The following ADCY10 variants were observed in gnomAD, a reference collection of about 807,000 sequenced individuals.
ADCY10 encodes adenylate cyclase type 10.
Under a neutral mutation model 183.3 loss-of-function variants are expected in ADCY10, and 156 were observed. The ratio of observed to expected loss-of-function variants is 0.85; its 90% confidence interval spans 0.75 to 0.97. The LOEUF (loss-of-function observed/expected upper bound fraction) is 0.97. Ranked by LOEUF, ADCY10 falls within the 50% of genes least tolerant of loss-of-function variation. The probability of loss-of-function intolerance (pLI) is 0.00; values close to 1 mark genes in which losing one functional copy is unlikely to be tolerated. For synonymous variants in ADCY10, 645 were observed against 670.0 expected, an observed-to-expected ratio of 0.96 and a Z score of 0.58; for missense variants, 1,745 against 1,934.3, an observed-to-expected ratio of 0.90 and a Z score of 1.84.
intron 29 of ADCY10, among the ~76,000 whole-genome samples, chr1:167,822,456 G>A (rs1285360313): frequency 6.6e-6 from 1 of 152,160 alleles, no homozygotes; most frequent in African/African-American, 2.4e-5. Context: ...TGCTTCCTTT[G>A]TTGATGGCAA....
intron 8 of ADCY10, among the ~76,000 whole-genome samples, chr1:167,885,911 G>A (rs1668190370): frequency 6.6e-6 from 1 of 152,108 alleles, no homozygotes; most frequent in Non-Finnish European, 1.5e-5. Context: ...ACTGCGCCTG[G>A]CCTTATTCAG....
intron 21 of ADCY10, among the ~76,000 whole-genome samples, chr1:167,837,898 C>G (rs1664343007): frequency 1.3e-5 from 2 of 152,266 alleles, no homozygotes; most frequent in South Asian, 4.1e-4. Flanking sequence ...AATTAAAAAC[C>G]TCAGTCTAAG....
At chr1:167,896,947 A>G (rs191297062) in intron 6 of ADCY10, among the ~76,000 whole-genome samples, 4 of 152,310 alleles carry the variant, frequency 2.6e-5, no homozygotes, top group Admixed American at 6.5e-5. Context: ...CTAATCTTAT[A>G]CTTTTCTGCC....
intron 18 of ADCY10, among the ~76,000 whole-genome samples, chr1:167,852,126 A>G (rs1665542741): frequency 6.6e-6 from 1 of 152,138 alleles, no homozygotes; most frequent in Non-Finnish European, 1.5e-5. Context: ...TAAATAGAGA[A>G]GACACCTGAT....
chr1:167,877,880 G>T (rs1044679968), intron 12 of ADCY10, among the ~76,000 whole-genome samples: 2 of 152,274 alleles, frequency 1.3e-5, no homozygotes, highest in East Asian at 3.9e-4. Context: ...CCCAGAGGAG[G>T]GGGAACAGGA....
intron 26 of ADCY10, among the ~76,000 whole-genome samples, chr1:167,826,431 T>C (rs369707871): frequency 6.6e-6 from 1 of 152,214 alleles, no homozygotes; most frequent in Non-Finnish European, 1.5e-5. Context: ...TCTGGTTCTT[T>C]CCATTCTCCC....
At chr1:167,811,237 T>G (rs1464020682) in intron 31 of ADCY10, among the ~76,000 whole-genome samples, 1 of 152,088 alleles carries the variant, frequency 6.6e-6, no homozygotes, top group African/African-American at 2.4e-5. Context: ...GGAAAAAAAA[T>G]TGGCCATTTC....
chr1:167,865,370 T>TA (rs1666607478), intron 14 of ADCY10, among the ~76,000 whole-genome samples: 1 of 152,182 alleles, frequency 6.6e-6, no homozygotes, highest in Non-Finnish European at 1.5e-5. Context: ...GACATTAAAG[T>TA]AAAAATGCAA....
At position 167,896,615 on chromosome 1, in the gene ADCY10, T is replaced by A; in HGVS notation, c.719A>T (p.Tyr240Phe). ...FTKCTTFMHY[Y>F]PSGEHKNLLR... ...CTTACTTTTGTGCTCACCAGAAGGA[T>A]AATAATGCATGAAGGTCGTACACTT... is the stretch of plus-strand genomic sequence containing the variant. The change falls in exon 7 of 33, where the codon TAT (tyrosine) becomes TTT (phenylalanine). Residue 240 changes from tyrosine (Y) to phenylalanine (F), a missense_variant. Tyr to Phe is a conservative substitution (Grantham distance 22). Transcript: ENST00000367851. 1 of 1,613,354 alleles carries A rather than the reference T, an allele frequency of 6.2e-7. No homozygotes were observed. The highest frequency in any genetic ancestry group is 8.5e-7 in the Non-Finnish European group (1 of 1,179,284).
intron 31 of ADCY10, among the ~76,000 whole-genome samples, chr1:167,813,573 T>C (rs1402043316): frequency 3.3e-5 from 5 of 151,854 alleles, no homozygotes; most frequent in Non-Finnish European, 7.4e-5. Flanking sequence ...TAGGGTAAAA[T>C]GAAAGGACAG....
chr1:167,901,556 G>A (rs1283373708), intron 5 of ADCY10, 106 bp downstream of exon 5: 2 of 1,180,242 alleles, frequency 1.7e-6, no homozygotes, highest in African/African-American at 3.0e-5. Context: ...GGCATCATGG[G>A]GCTGAGCCAC....
intron 8 of ADCY10, among the ~76,000 whole-genome samples, chr1:167,884,015 T>C (rs1425273837): frequency 6.6e-6 from 1 of 152,264 alleles, no homozygotes; most frequent in Non-Finnish European, 1.5e-5. Flanking sequence ...TTACATGAGA[T>C]ATTTTGATAC....
intron 1 of ADCY10, among the ~76,000 whole-genome samples, chr1:167,910,206 T>C (rs1159304195): frequency 6.6e-6 from 1 of 152,236 alleles, no homozygotes. Context: ...TGGTTTTGTG[T>C]TTCCTTGTTG....
intron 18 of ADCY10, 48 bp from the exon 19 acceptor site, chr1:167,848,537 A>C (rs1665231185): frequency 1.2e-6 from 2 of 1,609,156 alleles, no homozygotes; most frequent in Non-Finnish European, 1.7e-6. Flanking sequence ...ATCCTGTCTT[A>C]TAAGGTCTGA....
intron 7 of ADCY10, among the ~76,000 whole-genome samples, chr1:167,894,259 C>T (rs1434005047): frequency 1.3e-5 from 2 of 152,074 alleles, no homozygotes; most frequent in Non-Finnish European, 2.9e-5. Flanking sequence ...TGGGAACAAA[C>T]AAATGAGGGA....
Position 167,846,124 on chromosome 1 carries a change from C to A in ADCY10, c.2577G>T (p.Lys859Asn), listed in dbSNP as rs199951209. The A allele has an allele frequency of 1.2e-6, 2 of 1,614,132 alleles. No homozygotes were observed. The highest frequency in any genetic ancestry group is 1.7e-6 in the Non-Finnish European group (2 of 1,180,002). ...TAGATTCCACTAGGGTTGCCAGGGT[C>A]TTGATCATCATCTTCATATTCCAAC... ...LPCWNMKMMI[K>N]TLATLVESNI... Residue 859 changes from lysine (K) to asparagine (N), a missense_variant, in exon 20 of 33, where the codon AAG (lysine) becomes AAT (asparagine). Transcript: ENST00000367851.
chr1:167,903,901 C>T lies in ADCY10; in HGVS notation c.239G>A (p.Ser80Asn), dbSNP rs375317807. Residue 80 changes from serine (S) to asparagine (N), a missense_variant, in exon 3 of 33, where the codon AGT (serine) becomes AAT (asparagine). Coordinates refer to ENST00000367851, the MANE Select transcript of ADCY10 (RefSeq NM_018417.6). Reference sequence around the variant, plus strand: ...GGAACACTTACTCTCCACTATTGCACTTATGTGGTAGTTGAGGATCTCCAC... The same window carrying T: ...GGAACACTTACTCTCCACTATTGCATTTATGTGGTAGTTGAGGATCTCCAC... The part of the protein sequence containing the change: ...QLVEILNYHI[S>N]AIVEKVLIFG... 1.1e-5 allele frequency: 17 copies of T among 1,612,076 alleles called. No homozygotes were observed. In the African/African-American group the frequency reaches 2.1e-4, roughly 20 times the overall value.
intron 13 of ADCY10, among the ~76,000 whole-genome samples, chr1:167,872,041 A>C (rs976121966): frequency 6.6e-6 from 1 of 152,042 alleles, no homozygotes; most frequent in Non-Finnish European, 1.5e-5. Flanking sequence ...TAAATAAATA[A>C]AAAATAATAA....
chr1:167,890,936 T>C (rs1668543578), intron 8 of ADCY10, among the ~76,000 whole-genome samples: 1 of 152,170 alleles, frequency 6.6e-6, no homozygotes, highest in Non-Finnish European at 1.5e-5. Context: ...TCCAGACTCC[T>C]CATCCAACAT....
Sources: allele counts gnomAD v4.1 joint callset (sites outside exome capture counted in the v4.1 genomes callset), GRCh38; gene constraint gnomAD v4.1.1; transcripts MANE v1.5; gene names NCBI Gene and HGNC (gene_info 2026-07-23, HGNC 2026-07-21).